SPAG16: variants seen among roughly 807,000 people sequenced by gnomAD.
The protein encoded by SPAG16 is sperm-associated antigen 16 protein.
SPAG16 carries 86 observed loss-of-function variants against 80.4 expected under a neutral mutation model. That is an observed-to-expected ratio of 1.07 (90% confidence interval 0.90 to 1.28). SPAG16 has a LOEUF of 1.28. SPAG16 is among the 50% of genes most tolerant of loss of function. SPAG16 has a pLI of 0.00. For missense variants in SPAG16, 870 were observed against 765.3 expected (o/e 1.14, Z -1.61); for synonymous variants, 294 against 265.9 (o/e 1.11, Z -1.03).
intron 12 of SPAG16, among the ~76,000 whole-genome samples, chr2:213,932,882 T>G (rs2078827836): frequency 6.6e-6 from 1 of 152,056 alleles, no homozygotes; most frequent in African/African-American, 2.4e-5. Context: ...TAACAGTAGC[T>G]TTTTTATTAT....
At chr2:214,273,525 C>A (rs1692196729) in intron 15 of SPAG16, among the ~76,000 whole-genome samples, 1 of 152,134 alleles carries the variant, frequency 6.6e-6, no homozygotes, top group Non-Finnish European at 1.5e-5. Flanking sequence ...GCCAGTTTTC[C>A]CAACACCATT....
At chr2:214,310,188 A>G (rs1327126696) in intron 15 of SPAG16, among the ~76,000 whole-genome samples, 1 of 142,930 alleles carries the variant, frequency 7.0e-6, no homozygotes, top group Non-Finnish European at 1.5e-5. Context: ...TGAAATTGCT[A>G]TTGTTTGCAA....
At chr2:213,480,798 T>C (rs2073708949) in intron 9 of SPAG16, among the ~76,000 whole-genome samples, 1 of 152,218 alleles carries the variant, frequency 6.6e-6, no homozygotes, top group African/African-American at 2.4e-5. Context: ...ACAGAAGTTA[T>C]AATTTACTGT....
intron 9 of SPAG16, among the ~76,000 whole-genome samples, chr2:213,399,182 G>C (rs2068194483): frequency 6.6e-6 from 1 of 152,000 alleles, no homozygotes; most frequent in African/African-American, 2.4e-5. Flanking sequence ...GTTAAATAGT[G>C]GTGGTTATAC....
At chr2:213,458,691 A>G (rs2072183168) in intron 9 of SPAG16, among the ~76,000 whole-genome samples, 1 of 152,208 alleles carries the variant, frequency 6.6e-6, no homozygotes, top group South Asian at 2.1e-4. Context: ...ACACAGTTGT[A>G]TATTGGTAAA....
rs572783459 is a variant in SPAG16 at position 213,626,844 on chromosome 2, C to T, written c.1070+136754C>T. Among the ~76,000 whole-genome samples the T allele has an allele frequency of 5.5e-4, 84 of 152,052 alleles. 1 individual carries two copies. The highest frequency in any genetic ancestry group is 1.0e-3 in the Non-Finnish European group (68 of 67,976). ...TGTAATTTTAATAGAGACGGTGTTT[C>T]ACCATGTTGGCCAGGCTGGTCTCGA... is the stretch of plus-strand genomic sequence containing the variant. On this transcript the variant is annotated intron_variant, in intron 10 of 15. Transcript: ENST00000331683.
chr2:213,686,331 C>T (rs1211749075), intron 10 of SPAG16, among the ~76,000 whole-genome samples: 1 of 152,164 alleles, frequency 6.6e-6, no homozygotes, highest in Admixed American at 6.5e-5. Flanking sequence ...ATTGGCCAAG[C>T]TGATCCAATC....
intron 10 of SPAG16, among the ~76,000 whole-genome samples, chr2:213,808,081 G>A (rs181564119): frequency 2.0e-5 from 3 of 152,218 alleles, no homozygotes; most frequent in East Asian, 3.9e-4. Flanking sequence ...GTAAAGTTAT[G>A]GATTAAATTA....
chr2:214,256,097 C>T (rs1690666497), intron 15 of SPAG16, among the ~76,000 whole-genome samples: 1 of 151,914 alleles, frequency 6.6e-6, no homozygotes, highest in African/African-American at 2.4e-5. Flanking sequence ...AGTTCCACAT[C>T]CTCACCATCA....
At chr2:214,312,322 T>C (rs193078525) in intron 15 of SPAG16, among the ~76,000 whole-genome samples, 1 of 152,350 alleles carries the variant, frequency 6.6e-6, no homozygotes, top group African/African-American at 2.4e-5. Flanking sequence ...TACCACTTGG[T>C]AAATGTACCT....
At chr2:214,246,839 G>C (rs746152292) in intron 15 of SPAG16, among the ~76,000 whole-genome samples, 1 of 151,996 alleles carries the variant, frequency 6.6e-6, no homozygotes, top group Non-Finnish European at 1.5e-5. Flanking sequence ...AAAGAAAAAT[G>C]ATTCCATGCC....
chr2:214,022,632 G>T (rs988224486), intron 13 of SPAG16, among the ~76,000 whole-genome samples: 6 of 151,940 alleles, frequency 3.9e-5, no homozygotes, highest in African/African-American at 1.4e-4. Flanking sequence ...TTTTCACAAT[G>T]GTTGGATAAT....
intron 15 of SPAG16, among the ~76,000 whole-genome samples, chr2:214,323,140 C>A (rs974655416): frequency 9.2e-5 from 14 of 152,038 alleles, no homozygotes; most frequent in Non-Finnish European, 1.9e-4. Context: ...GTTGATATTG[C>A]GTATTTAGTA....
chr2:213,392,902 C>T (rs2067835625), intron 9 of SPAG16, among the ~76,000 whole-genome samples: 1 of 150,952 alleles, frequency 6.6e-6, no homozygotes, highest in Non-Finnish European at 1.5e-5. Flanking sequence ...TTCATTTAAA[C>T]ATCTCTGAGG....
At chr2:214,192,287 A>T (rs1460790612) in intron 15 of SPAG16, among the ~76,000 whole-genome samples, 2 of 152,146 alleles carry the variant, frequency 1.3e-5, no homozygotes, top group African/African-American at 4.8e-5. Flanking sequence ...TTCACTGCTC[A>T]TCTTTCCTTA....
intron 13 of SPAG16, among the ~76,000 whole-genome samples, chr2:214,085,182 A>C (rs570197602): frequency 2.0e-5 from 3 of 152,260 alleles, no homozygotes; most frequent in African/African-American, 7.2e-5. Context: ...ATAAAAGCAA[A>C]AGAAAGTAGG....
At chr2:213,697,645 A>G (rs2065216631) in intron 10 of SPAG16, among the ~76,000 whole-genome samples, 2 of 152,152 alleles carry the variant, frequency 1.3e-5, no homozygotes, top group Non-Finnish European at 2.9e-5. Context: ...GACCTACATA[A>G]CTGTAAGATA....
chr2:214,288,299 G>T (rs1332561847), intron 15 of SPAG16, among the ~76,000 whole-genome samples: 2 of 151,952 alleles, frequency 1.3e-5, no homozygotes, highest in Non-Finnish European at 2.9e-5. Context: ...TAAATATACT[G>T]TATTTTTAAA....
At chr2:213,859,228 C>G (rs1278838177) in intron 10 of SPAG16, among the ~76,000 whole-genome samples, 1 of 113,122 alleles carries the variant, frequency 8.8e-6, no homozygotes, top group Non-Finnish European at 1.8e-5. Flanking sequence ...TCAATGTCCT[C>G]TGACAACTTG....
Sources: allele counts gnomAD v4.1 joint callset (sites outside exome capture counted in the v4.1 genomes callset), GRCh38; gene constraint gnomAD v4.1.1; transcripts MANE v1.5; gene names NCBI Gene and HGNC (gene_info 2026-07-23, HGNC 2026-07-21).